Variants in SIRPA observed in about 807,000 individuals in gnomAD.
SIRPA encodes tyrosine-protein phosphatase non-receptor type substrate 1.
Under a neutral mutation model 50.3 loss-of-function variants are expected in SIRPA, and 9 were observed. That is an observed-to-expected ratio of 0.18 (90% confidence interval 0.11 to 0.31). The LOEUF is 0.31. SIRPA is among the 10% of genes least tolerant of loss of function. The pLI is 1.00. For missense variants in SIRPA, 474 were observed against 661.6 expected (o/e 0.72, Z 3.11); for synonymous variants, 265 against 284.1 (o/e 0.93, Z 0.68).
chr20:1,909,530 C>G (rs559888148), intron 1 of SIRPA, among the ~76,000 whole-genome samples: 15 of 152,298 alleles, frequency 9.8e-5, no homozygotes, highest in Middle Eastern at 3.4e-3. Flanking sequence ...GCCTGTAATC[C>G]CAGCACTTTG....
intron 1 of SIRPA, among the ~76,000 whole-genome samples, chr20:1,905,069 C>T (rs566048542): frequency 6.6e-6 from 1 of 152,244 alleles, no homozygotes; most frequent in South Asian, 2.1e-4. Flanking sequence ...AATTAAGAGC[C>T]GTGGAAAGTG....
At chr20:1,895,123 C>A (rs996855082), upstream of SIRPA, among the ~76,000 whole-genome samples, 1 of 151,776 alleles carries the variant, frequency 6.6e-6, no homozygotes, top group African/African-American at 2.4e-5. Context: ...TCTCGCCTCT[C>A]CGTGTCTCTG....
chr20:1,915,940 GGT>G (rs1985261719), intron 2 of SIRPA, among the ~76,000 whole-genome samples: 1 of 152,322 alleles, frequency 6.6e-6, no homozygotes, highest in East Asian at 1.9e-4. Flanking sequence ...GAGCAGAGAG[GGT>G]GTGTTTCCTT....
Position 1,924,607 on chromosome 20 carries a change from A to G in SIRPA, c.1088-157A>G, listed in dbSNP as rs1318487881. Among the ~76,000 whole-genome samples, 2 of 152,196 alleles carry G rather than the reference A, an allele frequency of 1.3e-5. No individual in the cohort carries two copies. Among genetic ancestry groups the G allele is most frequent in the African/African-American group, 4.8e-5 (2 of 41,442 alleles). On this transcript the variant is annotated intron_variant, in intron 4 of 7. Coordinates refer to ENST00000358771, the MANE Select transcript of SIRPA (RefSeq NM_001040023.2). The surrounding 1 kb of genome is among the most constrained non-coding windows in gnomAD (Gnocchi z 4.5). ...ATGAGTCTCGTGGGCAAGTGTGTAC[A>G]GACCCATGAGTGTGCCCATGTGGCT...
At chr20:1,908,855 A>G (rs1984711417) in intron 1 of SIRPA, among the ~76,000 whole-genome samples, 1 of 152,154 alleles carries the variant, frequency 6.6e-6, no homozygotes, top group Admixed American at 6.5e-5. Flanking sequence ...TGTTCTCTGC[A>G]TAGCCCTTTA....
At position 1,927,954 on chromosome 20, in the gene SIRPA, GC is replaced by G; in HGVS notation, c.1226+61del. 5 of 1,467,548 alleles carry G rather than the reference GC, an allele frequency of 3.4e-6. No homozygotes were observed. Among genetic ancestry groups the G allele is most frequent in the Non-Finnish European group, 4.8e-6 (5 of 1,046,444 alleles). The allele number at this position is 1,467,548 out of a possible 1,614,324, so 90.9% of individuals were successfully genotyped here. A position where few individuals can be genotyped will look rare whatever the true frequency, so the allele number is the denominator to read the frequency against. ...GCAGTTATTATTTGGTTATTTGACA[GC>G]CCCCCAGACTACAAAGCATAATCCA... is the stretch of plus-strand genomic sequence containing the variant. On this transcript the variant is annotated intron_variant, in intron 6 of 7. Coordinates refer to ENST00000358771, the MANE Select transcript of SIRPA (RefSeq NM_001040023.2). This position sits in a 1 kb window ranked among gnomAD's most constrained non-coding sequence, Gnocchi z 6.5.
In SIRPA at chr20:1,915,339, G is replaced by A; in HGVS notation, c.320G>A (p.Arg107His). 2 of 1,612,804 alleles carry A rather than the reference G, an allele frequency of 1.2e-6. No individual in the cohort carries two copies. The highest frequency in any genetic ancestry group is 1.7e-6 in the Non-Finnish European group (2 of 1,179,320). The change falls in exon 2 of 8, where the codon CGC (arginine) becomes CAC (histidine). Residue 107 changes from arginine to histidine, a missense_variant. This residue lies in a region of SIRPA where 221 missense variants were observed against 359.9 expected (regional missense o/e 0.61). Transcript: ENST00000358771. ...AGAAACAACATGGACTTTTCCATCC[G>A]CATCGGTAACATCACCCCAGCAGAT... The part of the protein sequence containing the change: ...TKRNNMDFSI[R>H]IGNITPADAG...
At chr20:1,914,608 A>G (rs1266914471) in intron 1 of SIRPA, among the ~76,000 whole-genome samples, 1 of 152,174 alleles carries the variant, frequency 6.6e-6, no homozygotes, top group Admixed American at 6.5e-5. Context: ...GCTATAGGCC[A>G]CTGATCCAGA....
At chr20:1,899,101 CCT>C (rs770934143) in intron 1 of SIRPA, among the ~76,000 whole-genome samples, 11 of 151,922 alleles carry the variant, frequency 7.2e-5, no homozygotes, top group South Asian at 6.2e-4. Flanking sequence ...AGGTTTCCCC[CCT>C]CTCTCTCTCT....
At chr20:1,913,700 A>G (rs933942265) in intron 1 of SIRPA, among the ~76,000 whole-genome samples, 1 of 152,036 alleles carries the variant, frequency 6.6e-6, no homozygotes, top group African/African-American at 2.4e-5. Flanking sequence ...TCTCTCAGGC[A>G]TGTGTTTCTC....
In SIRPA at chr20:1,933,923, T is replaced by A. The variant is rs1438310437; in HGVS notation, c.1227-792T>A. 6.6e-6 allele frequency among the ~76,000 whole-genome samples: 1 copy of A among 152,204 alleles called. No individual in the cohort carries two copies. The highest frequency in any genetic ancestry group is 1.5e-5 in the Non-Finnish European group (1 of 68,038). On this transcript the variant is annotated intron_variant, in intron 6 of 7. Transcript: ENST00000358771. This position sits in a 1 kb window ranked among gnomAD's most constrained non-coding sequence, Gnocchi z 4.4. ...TAACTTGGACATCTTGGTCTTTTTC[T>A]TTTCTTTCTTTAATGATGATACATA...
chr20:1,931,048 C>T (rs935889415), intron 6 of SIRPA, among the ~76,000 whole-genome samples: 1 of 152,170 alleles, frequency 6.6e-6, no homozygotes, highest in Non-Finnish European at 1.5e-5. Flanking sequence ...TGTATTAACC[C>T]ACTTGTGATT....
At chr20:1,914,959 T>G in intron 1 of SIRPA, 140 bp from the exon 2 acceptor site, 20 of 755,910 alleles carry the variant, frequency 2.6e-5, no homozygotes, top group Non-Finnish European at 3.5e-5. Context: ...GAGGGTCAAA[T>G]GAGATGATAC....
At chr20:1,904,723 C>T (rs1048752890) in intron 1 of SIRPA, among the ~76,000 whole-genome samples, 1 of 152,196 alleles carries the variant, frequency 6.6e-6, no homozygotes, top group Non-Finnish European at 1.5e-5. Flanking sequence ...AGACCTGGAA[C>T]CCACTCCTCT....
intron 1 of SIRPA, among the ~76,000 whole-genome samples, chr20:1,903,215 C>T (rs1439240514): frequency 6.6e-6 from 1 of 151,984 alleles, no homozygotes; most frequent in African/African-American, 2.4e-5. Context: ...GAGGTCAGGG[C>T]CAGACCAGCA....
rs73069298 is a variant in SIRPA at position 1,928,212 on chromosome 20, C to T, written c.1226+313C>T. ...TCTGTCCTCACAGACATCCTGCACACGCCACCGGATGCATCCTCCCAGATC... is the reference window on the plus strand; with the variant it reads ...TCTGTCCTCACAGACATCCTGCACATGCCACCGGATGCATCCTCCCAGATC... On this transcript the variant is annotated intron_variant, in intron 6 of 7. Transcript: ENST00000358771. The surrounding 1 kb of genome is among the most constrained non-coding windows in gnomAD (Gnocchi z 4.9). Among the ~76,000 whole-genome samples the T allele has an allele frequency of 8.7e-3, 1,319 of 152,324 alleles. 6 individuals are homozygous for T. The highest frequency in any genetic ancestry group is 0.015 in the Non-Finnish European group (1,024 of 68,032).
chr20:1,895,628 G>A, intron 1 of SIRPA, 102 bp downstream of exon 1: 4 of 899,584 alleles, frequency 4.4e-6, no homozygotes, highest in Non-Finnish European at 6.1e-6. Flanking sequence ...AGCAGTAATA[G>A]GGGGAGAGAC....
At chr20:1,899,052 G>A (rs1019029169) in intron 1 of SIRPA, among the ~76,000 whole-genome samples, 7 of 152,034 alleles carry the variant, frequency 4.6e-5, no homozygotes, top group East Asian at 1.9e-4. Context: ...GGCTCCGTGC[G>A]ACAGGTTATT....
At chr20:1,897,821 T>C (rs1983920804) in intron 1 of SIRPA, among the ~76,000 whole-genome samples, 1 of 152,226 alleles carries the variant, frequency 6.6e-6, no homozygotes, top group South Asian at 2.1e-4. Context: ...TTAGCACAAA[T>C]GCTGCCAAAG....
Sources: gnomAD v4.1 joint callset for allele counts (sites outside exome capture counted in the v4.1 genomes callset) on GRCh38, gnomAD v4.1.1 for gene constraint, gnomAD v4.1.1 regional missense constraint, Gnocchi (gnomAD v3.1) non-coding constraint, MANE v1.5 for transcripts, NCBI Gene and HGNC (gene_info 2026-07-23, HGNC 2026-07-21) for gene names.